LRRC7: variants seen among roughly 807,000 people sequenced by gnomAD.
The protein encoded by LRRC7 is leucine rich repeat containing 7.
Under a neutral mutation model 175.7 loss-of-function variants are expected in LRRC7, and 23 were observed. That is an observed-to-expected ratio of 0.13 (90% CI 0.09 to 0.19). LRRC7 has a LOEUF of 0.19. Among genes scored for constraint, LRRC7 ranks in the 10% least tolerant of loss-of-function variants. The pLI is 1.00. For missense variants in LRRC7, 1,354 were observed against 1,904.7 expected (o/e 0.71, Z 5.38); for synonymous variants, 685 against 680.9 (o/e 1.01, Z -0.09).
At position 69,632,778 on chromosome 1, in the gene LRRC7, C is replaced by T. The variant is rs573901047; in HGVS notation, c.3-45603C>T. On this transcript the variant is annotated intron_variant, in intron 1 of 26. Transcript: ENST00000651989. ...GGAGTCTCAGTGACTAGAATAATGACTATATATGGGATTAATGAATAAATA... is the reference window on the plus strand; with the variant it reads ...GGAGTCTCAGTGACTAGAATAATGATTATATATGGGATTAATGAATAAATA... Among the ~76,000 whole-genome samples the T allele has an allele frequency of 3.9e-5, 6 of 152,148 alleles. No individual in the cohort carries two copies. The East Asian group carries it at 1.2e-3, about 29-fold the overall frequency.
At chr1:70,014,103 T>C (rs1286110858) in intron 13 of LRRC7, 1 of 152,058 alleles carries the variant, frequency 6.6e-6, no homozygotes, top group Non-Finnish European at 1.5e-5. Flanking sequence ...GAGCAAGTCA[T>C]GTCAAACCAA....
chr1:69,855,586 G>A (rs1373874977), intron 7 of LRRC7, among the ~76,000 whole-genome samples: 20 of 149,812 alleles, frequency 1.3e-4, no homozygotes, highest in African/African-American at 2.2e-4. Context: ...GTGGTGCTGA[G>A]AAGAATGTAT....
chr1:69,779,875 G>A (rs562137346), intron 3 of LRRC7, among the ~76,000 whole-genome samples: 1 of 152,072 alleles, frequency 6.6e-6, no homozygotes, highest in East Asian at 1.9e-4. Context: ...ACCAGCACCT[G>A]TCCAGTACTA....
chr1:69,784,797 C>T (rs1194862601), intron 3 of LRRC7, among the ~76,000 whole-genome samples: 1 of 152,070 alleles, frequency 6.6e-6, no homozygotes, highest in Non-Finnish European at 1.5e-5. Flanking sequence ...TCTCCATTAT[C>T]ATTTATTCTT....
intron 23 of LRRC7, among the ~76,000 whole-genome samples, chr1:70,059,908 G>A (rs1338303283): frequency 1.3e-5 from 2 of 151,822 alleles, no homozygotes; most frequent in African/African-American, 4.8e-5. Context: ...TTTAAAATAA[G>A]TACAACTTAT....
In LRRC7 at chr1:69,925,794, A is replaced by G. The variant is rs1647052602; in HGVS notation, c.648-5713A>G. The stretch of plus-strand genomic sequence containing the variant: ...TTTTGAAGGGTTTTTTTGTGTCTCT[A>G]TTTCCTTCAGTTCTGCTCTGATTTT... On this transcript the variant is annotated intron_variant, in intron 7 of 26. Coordinates refer to ENST00000651989, the MANE Select transcript of LRRC7 (RefSeq NM_001370785.2). Among the ~76,000 whole-genome samples, 4 of 150,086 alleles carry G rather than the reference A, an allele frequency of 2.7e-5. No individual in the cohort carries two copies. The South Asian group carries it at 8.5e-4, about 32-fold the overall frequency.
intron 1 of LRRC7, among the ~76,000 whole-genome samples, chr1:69,644,643 G>A (rs1308513424): frequency 2.0e-5 from 3 of 151,756 alleles, no homozygotes; most frequent in East Asian, 1.9e-4. Context: ...AAGCACACAC[G>A]TTCAAAAAAT....
At position 69,917,260 on chromosome 1, in the gene LRRC7, T is replaced by C. The variant is rs151297229; in HGVS notation, c.648-14247T>C. Among the ~76,000 whole-genome samples the C allele has an allele frequency of 2.0e-5, 3 of 152,282 alleles. No individual in the cohort carries two copies. The East Asian group carries it at 5.8e-4, about 29-fold the overall frequency. ...TGCCAAACTTGTGATCAAGTCCTAA[T>C]ATTTGCTCCGTGACCTACAGTAGAG... On this transcript the variant is annotated intron_variant, in intron 7 of 26. Coordinates refer to ENST00000651989, the MANE Select transcript of LRRC7 (RefSeq NM_001370785.2).
chr1:69,782,043 T>C (rs1356037722), intron 3 of LRRC7, among the ~76,000 whole-genome samples: 2 of 152,116 alleles, frequency 1.3e-5, no homozygotes, highest in Non-Finnish European at 2.9e-5. Flanking sequence ...GCTAGCAATA[T>C]GACCTTGTAA....
At chr1:69,674,284 T>G (rs1659493856) in intron 1 of LRRC7, among the ~76,000 whole-genome samples, 1 of 152,210 alleles carries the variant, frequency 6.6e-6, no homozygotes, top group Non-Finnish European at 1.5e-5. Flanking sequence ...AAGAAGCAAC[T>G]AGAAAAGTCC....
intron 4 of LRRC7, among the ~76,000 whole-genome samples, chr1:69,796,562 A>G (rs1675794714): frequency 6.6e-6 from 1 of 152,154 alleles, no homozygotes; most frequent in Non-Finnish European, 1.5e-5. Flanking sequence ...AGGTGGGCGG[A>G]TCACCTGAGG....
chr1:69,833,540 ATAT>A (rs1192220273), intron 5 of LRRC7, among the ~76,000 whole-genome samples: 4 of 152,146 alleles, frequency 2.6e-5, no homozygotes, highest in African/African-American at 9.6e-5. Flanking sequence ...ACAAATGCAA[ATAT>A]TATATGTATA....
intron 18 of LRRC7, among the ~76,000 whole-genome samples, chr1:70,028,697 C>T (rs1658384833): frequency 6.6e-6 from 1 of 152,080 alleles, no homozygotes; most frequent in African/African-American, 2.4e-5. Flanking sequence ...TTGTATTAAT[C>T]ATTAAGAAAG....
intron 1 of LRRC7, among the ~76,000 whole-genome samples, chr1:69,600,608 TAGCAC>T (rs1647015202): frequency 6.6e-6 from 1 of 152,126 alleles, no homozygotes; most frequent in South Asian, 2.1e-4. Context: ...GTCTATTGTA[TAGCAC>T]ACCTTGTTCT....
chr1:69,663,708 T>G (rs201626346), intron 1 of LRRC7, among the ~76,000 whole-genome samples: 1,704 of 106,032 alleles, frequency 0.016, 14 homozygotes, highest in South Asian at 0.04. Context: ...TAATTTTTTT[T>G]TTTTTTTTTT....
chr1:69,766,754 T>C (rs1268471463), intron 3 of LRRC7, among the ~76,000 whole-genome samples: 2 of 152,118 alleles, frequency 1.3e-5, no homozygotes, highest in African/African-American at 4.8e-5. Flanking sequence ...AAAACACTCA[T>C]ATATGATTTT....
chr1:69,905,081 A>C (rs1646255781), intron 7 of LRRC7, among the ~76,000 whole-genome samples: 1 of 152,086 alleles, frequency 6.6e-6, no homozygotes, highest in Admixed American at 6.6e-5. Context: ...TCTACCATTG[A>C]TGGGCATTTA....
intron 8 of LRRC7, among the ~76,000 whole-genome samples, chr1:69,973,032 C>T (rs1431863582): frequency 1.4e-5 from 2 of 140,778 alleles, no homozygotes; most frequent in Non-Finnish European, 3.0e-5. Context: ...ATAAATACTA[C>T]TATATATAGT....
intron 23 of LRRC7, 21 bp downstream of exon 23, chr1:70,053,166 A>G: frequency 6.3e-7 from 1 of 1,593,368 alleles, no homozygotes; most frequent in Non-Finnish European, 8.5e-7. Context: ...TTTAATTAAC[A>G]AGACAAACCA....
Sources: allele counts gnomAD v4.1 joint callset (sites outside exome capture counted in the v4.1 genomes callset), GRCh38; gene constraint gnomAD v4.1.1; transcripts MANE v1.5; gene names NCBI Gene and HGNC (gene_info 2026-07-23, HGNC 2026-07-21).